BRSK1: variants seen among roughly 807,000 people sequenced by gnomAD.
BRSK1 encodes the protein BR serine/threonine kinase 1, also known as serine/threonine-protein kinase BRSK1.
A neutral mutation model predicts 86.2 loss-of-function variants in BRSK1; 17 were observed. That is an observed-to-expected ratio of 0.20 (90% CI 0.14 to 0.30). The LOEUF is 0.30. Ranked by LOEUF, BRSK1 falls within the 10% of genes least tolerant of loss-of-function variation. The pLI, the probability that BRSK1 is intolerant of heterozygous loss-of-function variation, is 1.00. For missense variants in BRSK1, 719 were observed against 1,071.9 expected (o/e 0.67, Z 4.60); for synonymous variants, 464 against 440.1 (o/e 1.05, Z -0.68).
chr19:55,309,652 C>T (rs1186761948), intron 18 of BRSK1, among the ~76,000 whole-genome samples: 1 of 152,208 alleles, frequency 6.6e-6, no homozygotes, highest in Admixed American at 6.5e-5. Flanking sequence ...GCCCCACCCT[C>T]ATGACCTCAT....
chr19:55,288,568 G>A (rs192255813), intron 3 of BRSK1, among the ~76,000 whole-genome samples: 144 of 151,968 alleles, frequency 9.5e-4, no homozygotes, highest in Admixed American at 3.6e-3. Flanking sequence ...TTATGGGAAG[G>A]GAGTTTGGGG....
rs2088591490 is a variant in BRSK1, at chr19:55,302,796, C to A, written c.957C>A (p.Val319=). 6.2e-7 allele frequency: 1 copy of A among 1,613,870 alleles called. No homozygotes were observed. Among genetic ancestry groups the A allele is most frequent in the Non-Finnish European group, 8.5e-7 (1 of 1,179,970 alleles). Residue 319 remains valine, a synonymous_variant, in exon 10 of 19, where the codon GTC becomes GTA. Transcript: ENST00000309383. The surrounding 1 kb of genome is among the most constrained non-coding windows in gnomAD (Gnocchi z 6.3). ...CCAACGGAGAGCTGGACCCCGACGT[C>A]CTAGAGAGCATGGCATCACTGGGCT... ...LPSNGELDPD[V]LESMASLGCF...
rs755209419 is a variant in BRSK1, at chr19:55,294,358, C to T, written c.639C>T (p.Asp213=). Reference sequence around the variant, plus strand: ...AAAAATATGATGGCCGCCGGGCAGACATGTGGAGCTGTGGAGTCATCCTCT... The same window carrying T: ...AAAAATATGATGGCCGCCGGGCAGATATGTGGAGCTGTGGAGTCATCCTCT... ...KGEKYDGRRA[D]MWSCGVILFA... is the part of the protein sequence containing the mutation. The change falls in exon 7 of 19, where the codon GAC becomes GAT. Residue 213 remains aspartate (D), a synonymous_variant. Coordinates refer to ENST00000309383, the MANE Select transcript of BRSK1 (RefSeq NM_032430.2). This position sits in a 1 kb window ranked among gnomAD's most constrained non-coding sequence, Gnocchi z 4.9. 3.1e-6 allele frequency: 5 copies of T among 1,614,026 alleles called. No homozygotes were observed. Among genetic ancestry groups the T allele is most frequent in the Admixed American group, 3.3e-5 (2 of 60,000 alleles).
rs189743421 is a variant in BRSK1, at chr19:55,290,806, T to A, written c.458+1186T>A. ...ACAGGCGCCCGCCACCACGCCCGGCTAATTTTTTGTATTTTTAGTAGACAC... is the reference window on the plus strand; with the variant it reads ...ACAGGCGCCCGCCACCACGCCCGGCAAATTTTTTGTATTTTTAGTAGACAC... On this transcript the variant is annotated intron_variant, in intron 4 of 18. Transcript: ENST00000309383. Among the ~76,000 whole-genome samples the A allele has an allele frequency of 6.7e-3, 1,025 of 152,018 alleles. 12 individuals carry two copies. Among genetic ancestry groups the A allele is most frequent in the African/African-American group, 0.024 (982 of 41,462 alleles).
chr19:55,303,716 G>C lies in BRSK1; in HGVS notation c.1176G>C (p.Lys392Asn), dbSNP rs777923423. Residue 392 changes from lysine to asparagine, a missense_variant, in exon 12 of 19, where the codon AAG (lysine) becomes AAC (asparagine). Physicochemically the swap from Lys to Asn is moderately conservative, Grantham distance 94. Coordinates refer to ENST00000309383, the MANE Select transcript of BRSK1 (RefSeq NM_032430.2). This position sits in a 1 kb window ranked among gnomAD's most constrained non-coding sequence, Gnocchi z 5.1. ...VDSPMLSRHGKRRPERKSMEV... is the reference protein window; with the variant it reads ...VDSPMLSRHGNRRPERKSMEV... ...CTCCCATGCTGAGCCGTCACGGGAA[G>C]CGGCGACCAGAGCGGAAGTCCATGG... 6.2e-7 allele frequency: 1 copy of C among 1,613,648 alleles called. No homozygotes were observed. The highest frequency in any genetic ancestry group is 1.1e-5 in the South Asian group (1 of 90,994).
rs372052269 is a variant in BRSK1, at chr19:55,312,533, C to CAAAAAAAAAAAAAAAAAA, written c.*477_*494dup. 23 of 25,718 alleles carry CAAAAAAAAAAAAAAAAAA rather than the reference C, an allele frequency of 8.9e-4. No homozygotes were observed. The highest frequency in any genetic ancestry group is 4.0e-3 in the East Asian group (2 of 506). 1.6% of individuals were successfully genotyped at this position (25,718 alleles called of 1,614,324 possible). Reference sequence around the variant, plus strand: ...TCCGTGTCTCTGATTCCGCCGGCGGCAAAAAAAAAAAAAAAAAAAAAAAAA... The same window carrying CAAAAAAAAAAAAAAAAAA: ...TCCGTGTCTCTGATTCCGCCGGCGGCAAAAAAAAAAAAAAAAAAAAAAAAAAAAAAAAAAAAAAAAAAA... On this transcript the variant is annotated 3_prime_UTR_variant, in exon 19 of 19. Coordinates refer to ENST00000309383, the MANE Select transcript of BRSK1 (RefSeq NM_032430.2).
chr19:55,299,075 G>A (rs2088532314), intron 7 of BRSK1, among the ~76,000 whole-genome samples: 1 of 152,234 alleles, frequency 6.6e-6, no homozygotes, highest in East Asian at 1.9e-4. Context: ...AGAATCGCTT[G>A]AACCCGGGAG....
chr19:55,302,205 G>A lies in BRSK1; in HGVS notation c.857+37G>A, dbSNP rs757368096. On this transcript the variant is annotated intron_variant, in intron 9 of 18. Coordinates refer to ENST00000309383, the MANE Select transcript of BRSK1 (RefSeq NM_032430.2). This position sits in a 1 kb window ranked among gnomAD's most constrained non-coding sequence, Gnocchi z 6.3. ...GTAACTGGACTCTTGGGTCCCTGGC[G>A]GAAATAGGGGAGGGGCCAAAGCAGT... 1.9e-6 allele frequency: 3 copies of A among 1,612,896 alleles called. No homozygotes were observed. Among genetic ancestry groups the A allele is most frequent in the Non-Finnish European group, 2.5e-6 (3 of 1,179,020 alleles).
In BRSK1 at chr19:55,302,573, G is replaced by A. The variant is rs996823219; in HGVS notation, c.858-124G>A. ...CGAGGTCTGGGGCGTCTGGATTCCTGGGTATGAGAGAGAAGGGGCCGGGGC... is the reference window on the plus strand; with the variant it reads ...CGAGGTCTGGGGCGTCTGGATTCCTAGGTATGAGAGAGAAGGGGCCGGGGC... On this transcript the variant is annotated intron_variant, in intron 9 of 18. Coordinates refer to ENST00000309383, the MANE Select transcript of BRSK1 (RefSeq NM_032430.2). The surrounding 1 kb of genome is among the most constrained non-coding windows in gnomAD (Gnocchi z 6.3). 4 of 1,274,302 alleles carry A rather than the reference G, an allele frequency of 3.1e-6. No homozygotes were observed. The African/African-American group carries it at 6.0e-5, about 19-fold the overall frequency. 78.9% of individuals were successfully genotyped at this position (1,274,302 alleles called of 1,614,324 possible).
In BRSK1 at chr19:55,302,504, G is replaced by A. The variant is rs2088586798; in HGVS notation, c.858-193G>A. ...GGGGCCTGGACCCCTCGGTCGGAGGGAAAAGGGGCTGGAGGTCTGGACTCC... is the reference window on the plus strand; with the variant it reads ...GGGGCCTGGACCCCTCGGTCGGAGGAAAAAGGGGCTGGAGGTCTGGACTCC... On this transcript the variant is annotated intron_variant, in intron 9 of 18. Transcript: ENST00000309383. This position sits in a 1 kb window ranked among gnomAD's most constrained non-coding sequence, Gnocchi z 6.3. The A allele has an allele frequency of 2.8e-6, 2 of 724,226 alleles. No homozygotes were observed. The highest frequency in any genetic ancestry group is 4.5e-6 in the Non-Finnish European group (2 of 447,108). 44.9% of individuals were successfully genotyped at this position (724,226 alleles called of 1,614,324 possible).
At chr19:55,289,662 C>T (rs1395587880) in intron 4 of BRSK1, 42 bp downstream of exon 4, 16 of 1,604,716 alleles carry the variant, frequency 1.0e-5, no homozygotes, top group Non-Finnish European at 1.4e-5. Context: ...TGAGGGCTGC[C>T]CAGCAGACAG....
intron 4 of BRSK1, among the ~76,000 whole-genome samples, chr19:55,293,603 G>C (rs1258340877): frequency 6.6e-6 from 1 of 151,898 alleles, no homozygotes; most frequent in Non-Finnish European, 1.5e-5. Flanking sequence ...ATGAGGTCAG[G>C]AGCTCAAGAC....
intron 7 of BRSK1, among the ~76,000 whole-genome samples, chr19:55,296,474 G>A (rs188617046): frequency 3.9e-4 from 59 of 152,078 alleles, no homozygotes; most frequent in African/African-American, 1.4e-3. Context: ...AAGGTGGGAG[G>A]ATTGCTTGAG....
rs2088773669 is a variant in BRSK1, at chr19:55,310,873, G to C, written c.2180-1038G>C. The stretch of plus-strand genomic sequence containing the variant: ...AGATGTAGGACTAACAGGCACCCTG[G>C]GGGGCTCAGCCACCATCTCATAAAG... On this transcript the variant is annotated intron_variant, in intron 18 of 18. Coordinates refer to ENST00000309383, the MANE Select transcript of BRSK1 (RefSeq NM_032430.2). This position sits in a 1 kb window ranked among gnomAD's most constrained non-coding sequence, Gnocchi z 5.0. Among the ~76,000 whole-genome samples the C allele has an allele frequency of 6.6e-6, 1 of 152,144 alleles. No homozygotes were observed. The highest frequency in any genetic ancestry group is 6.5e-5 in the Admixed American group (1 of 15,272).
At position 55,303,305 on chromosome 19, in the gene BRSK1, C is replaced by T. The variant is rs775908261; in HGVS notation, c.1029-6C>T. ...CTCTTTCCACCTTTCCCACCCCCTG[C>T]CTTAGGGAGAACCAAGAAAAGATGA... On this transcript the variant is annotated splice_polypyrimidine_tract_variant and splice_region_variant and intron_variant, in intron 10 of 18. Coordinates refer to ENST00000309383, the MANE Select transcript of BRSK1 (RefSeq NM_032430.2). This position sits in a 1 kb window ranked among gnomAD's most constrained non-coding sequence, Gnocchi z 5.1. 2.5e-6 allele frequency: 4 copies of T among 1,611,882 alleles called. No homozygotes were observed.
intron 4 of BRSK1, among the ~76,000 whole-genome samples, chr19:55,292,104 C>T (rs1375538860): frequency 6.6e-6 from 1 of 152,104 alleles, no homozygotes; most frequent in Non-Finnish European, 1.5e-5. Context: ...ATTGTCAAAA[C>T]CCTGATATTG....
Position 55,302,079 on chromosome 19 carries a change from G to A in BRSK1, c.826-58G>A, listed in dbSNP as rs2088579552. The A allele has an allele frequency of 6.2e-7, 1 of 1,601,978 alleles. No homozygotes were observed. Among genetic ancestry groups the A allele is most frequent in the African/African-American group, 1.3e-5 (1 of 74,734 alleles). On this transcript the variant is annotated intron_variant, in intron 8 of 18. Transcript: ENST00000309383. The surrounding 1 kb of genome is among the most constrained non-coding windows in gnomAD (Gnocchi z 6.3). ...CAAAACCACCCCAGTCTTTCATTGC[G>A]CGCCTACATGTGCCTACGACCTCAC...
In BRSK1 at chr19:55,284,581, G is replaced by A; in HGVS notation, c.136+3G>A. 7.8e-7 allele frequency: 1 copy of A among 1,287,578 alleles called. No homozygotes were observed. The highest frequency in any genetic ancestry group is 3.1e-5 in the East Asian group (1 of 32,064). The allele number at this position is 1,287,578 out of a possible 1,614,324, so 79.8% of individuals were successfully genotyped here. A position where few individuals can be genotyped will look rare whatever the true frequency, so the allele number is the denominator to read the frequency against. On this transcript the variant is annotated splice_donor_region_variant and intron_variant, in intron 1 of 18. Coordinates refer to ENST00000309383, the MANE Select transcript of BRSK1 (RefSeq NM_032430.2). ...GACGCTGGGCAAAGGACAGACAGGTGAGCCTAGCAGAAGGGGACACCTGGG... is the reference window on the plus strand; with the variant it reads ...GACGCTGGGCAAAGGACAGACAGGTAAGCCTAGCAGAAGGGGACACCTGGG...
chr19:55,305,210 G>A, intron 14 of BRSK1, 111 bp from the exon 15 acceptor site: 1 of 1,436,122 alleles, frequency 7.0e-7, no homozygotes, highest in Non-Finnish European at 9.6e-7. Context: ...GCTTGGCCGA[G>A]GCTGCAACCC....
Sources: allele counts gnomAD v4.1 joint callset (sites outside exome capture counted in the v4.1 genomes callset), GRCh38; gene constraint gnomAD v4.1.1; non-coding constraint Gnocchi (gnomAD v3.1); transcripts MANE v1.5; gene names NCBI Gene and HGNC (gene_info 2026-07-23, HGNC 2026-07-21).